The following WASHC5 variants were observed in gnomAD, a reference collection of about 807,000 sequenced individuals.
The protein encoded by WASHC5 is WASH complex subunit strumpellin.
In WASHC5, 101 loss-of-function variants were observed where a neutral mutation model predicts 150.4. That is an observed-to-expected ratio of 0.67 (90% confidence interval 0.57 to 0.79). The LOEUF (loss-of-function observed/expected upper bound fraction) is 0.79, where lower values mean the gene tolerates loss of function less well. Ranked by LOEUF, WASHC5 falls within the 30% of genes least tolerant of loss-of-function variation. The pLI is 0.00. For missense variants in WASHC5, 1,195 were observed against 1,396.3 expected (o/e 0.86, Z 2.30); for synonymous variants, 467 against 491.2 (o/e 0.95, Z 0.65).
chr8:125,083,272 A>C lies in WASHC5; in HGVS notation c.187-14T>G, dbSNP rs1345227840. 2 of 1,610,704 alleles carry C rather than the reference A, an allele frequency of 1.2e-6. No individual in the cohort carries two copies. The highest frequency in any genetic ancestry group is 1.3e-5 in the African/African-American group (1 of 74,728). ...TAATTCTGGACCCTGAGAAAAAAAAACACATGTGAAATGTCAATAAAAGCA... is the reference window on the plus strand; with the variant it reads ...TAATTCTGGACCCTGAGAAAAAAAACCACATGTGAAATGTCAATAAAAGCA... On this transcript the variant is annotated splice_polypyrimidine_tract_variant and intron_variant, in intron 2 of 28. Coordinates refer to ENST00000318410, the MANE Select transcript of WASHC5 (RefSeq NM_014846.4).
intron 10 of WASHC5, among the ~76,000 whole-genome samples, chr8:125,064,152 A>T (rs1200576939): frequency 1.3e-5 from 2 of 151,218 alleles, no homozygotes; most frequent in Non-Finnish European, 2.9e-5. Flanking sequence ...TTAATTGTTT[A>T]TTTTTATTTA....
intron 10 of WASHC5, among the ~76,000 whole-genome samples, chr8:125,067,129 C>T (rs371113635): frequency 6.6e-6 from 1 of 152,214 alleles, no homozygotes; most frequent in East Asian, 1.9e-4. Context: ...ATTCTCATGC[C>T]TCAGCCTCCC....
intron 19 of WASHC5, among the ~76,000 whole-genome samples, chr8:125,048,197 G>A (rs1247710652): frequency 6.6e-6 from 1 of 152,186 alleles, no homozygotes; most frequent in Non-Finnish European, 1.5e-5. Flanking sequence ...ATGCATCCAT[G>A]TAATATAAAA....
rs116181395 is a variant in WASHC5 at position 125,064,971 on chromosome 8, C to T, written c.1279-1320G>A. ...GTCTACCCTAACTTTCTGAGTCCCT[C>T]GGATCAATCAATGCCATTTGATAAT... On this transcript the variant is annotated intron_variant, in intron 10 of 28. Coordinates refer to ENST00000318410, the MANE Select transcript of WASHC5 (RefSeq NM_014846.4). Among the ~76,000 whole-genome samples the T allele has an allele frequency of 3.4e-3, 511 of 152,222 alleles. 4 individuals are homozygous for T. Among genetic ancestry groups the T allele is most frequent in the African/African-American group, 0.012 (486 of 41,532 alleles).
chr8:125,061,571 T>C (rs956715630), intron 11 of WASHC5, among the ~76,000 whole-genome samples: 5 of 151,998 alleles, frequency 3.3e-5, no homozygotes, highest in Non-Finnish European at 5.9e-5. Flanking sequence ...AAGAAGGGAA[T>C]TGTATCCAGA....
At position 125,044,109 on chromosome 8, in the gene WASHC5, G is replaced by A; in HGVS notation, c.2668-15C>T. ...CTGAGGAAATTCTAAAAACAAGAAG[G>A]CACGGTCAAAGAACCAAACATAATG... On this transcript the variant is annotated splice_polypyrimidine_tract_variant and intron_variant, in intron 21 of 28. Coordinates refer to ENST00000318410, the MANE Select transcript of WASHC5 (RefSeq NM_014846.4). 6.6e-7 allele frequency: 1 copy of A among 1,525,134 alleles called. No homozygotes were observed. The highest frequency in any genetic ancestry group is 1.4e-5 in the African/African-American group (1 of 73,218). The allele number at this position is 1,525,134 out of a possible 1,614,324, so 94.5% of individuals were successfully genotyped here.
At position 125,050,593 on chromosome 8, in the gene WASHC5, T is replaced by TA; in HGVS notation, c.2169dup (p.Arg724Ter). 1 of 1,614,120 alleles carries TA rather than the reference T, an allele frequency of 6.2e-7. No individual in the cohort carries two copies. The highest frequency in any genetic ancestry group is 1.1e-5 in the South Asian group (1 of 91,088). ...GCTCGAGGGTTGAATATCAGTCCCC[T>TA]ATGCAGGGCAAAGGCAACGCGCTTC... On this transcript the variant is annotated frameshift_variant, in exon 18 of 29. Transcript: ENST00000318410. LOFTEE classifies it high-confidence loss of function.
Position 125,063,294 on chromosome 8 carries a change from T to C in WASHC5, c.1408+228A>G, listed in dbSNP as rs141119946. Reference sequence around the variant, plus strand: ...TTAGCATAACCTCACATTTCAAAGATAAGATATAAAACCTGAACTCTAAAA... The same window carrying C: ...TTAGCATAACCTCACATTTCAAAGACAAGATATAAAACCTGAACTCTAAAA... On this transcript the variant is annotated intron_variant, in intron 11 of 28. Transcript: ENST00000318410. 4.3e-4 allele frequency among the ~76,000 whole-genome samples: 65 copies of C among 152,262 alleles called. 2 individuals are homozygous for C. In the East Asian group the frequency reaches 0.01, roughly 23 times the overall value.
chr8:125,040,075 C>A (rs1815841529), intron 23 of WASHC5, among the ~76,000 whole-genome samples, 177 bp from the exon 24 acceptor site: 1 of 152,172 alleles, frequency 6.6e-6, no homozygotes, highest in Admixed American at 6.5e-5. Context: ...TCTAATGAAG[C>A]ACCAGAGGCC....
chr8:125,028,277 A>G (rs1815426359), intron 28 of WASHC5, among the ~76,000 whole-genome samples: 1 of 152,222 alleles, frequency 6.6e-6, no homozygotes, highest in Non-Finnish European at 1.5e-5. Context: ...GTCAGTGGAG[A>G]GAGAAAGAAC....
At position 125,050,569 on chromosome 8, in the gene WASHC5, C is replaced by T. The variant is rs1816209778; in HGVS notation, c.2194G>A (p.Ala732Thr). ...CCACTCTGGTCACTGGGTACCTTGG[C>T]TCGAGGGTTGAATATCAGTCCCCTA... The part of the protein sequence containing the change: ...LHRGLIFNPR[A>T]KPSELMPKLK... The change falls in exon 18 of 29, where the codon GCC becomes ACC. Residue 732 changes from alanine (A) to threonine (T), a missense_variant. Coordinates refer to ENST00000318410, the MANE Select transcript of WASHC5 (RefSeq NM_014846.4). The T allele has an allele frequency of 6.2e-7, 1 of 1,613,268 alleles. No homozygotes were observed. The highest frequency in any genetic ancestry group is 1.7e-5 in the Admixed American group (1 of 59,996).
Position 125,063,475 on chromosome 8 carries a change from C to T in WASHC5, c.1408+47G>A, listed in dbSNP as rs769130237. ...GCCAGTTTCCAAGGTTTCAAATAAC[C>T]TGTGCACACATTCCAAACACACCAG... is the stretch of plus-strand genomic sequence containing the variant. On this transcript the variant is annotated intron_variant, in intron 11 of 28. Coordinates refer to ENST00000318410, the MANE Select transcript of WASHC5 (RefSeq NM_014846.4). 69 of 1,602,624 alleles carry T rather than the reference C, an allele frequency of 4.3e-5. No homozygotes were observed. In the East Asian group the frequency reaches 1.5e-3, roughly 34 times the overall value.
chr8:125,037,607 A>G (rs1178260568), intron 25 of WASHC5, among the ~76,000 whole-genome samples: 7 of 152,152 alleles, frequency 4.6e-5, no homozygotes, highest in Non-Finnish European at 1.0e-4. Flanking sequence ...TCATTAATAA[A>G]GGGAGGGAGG....
At chr8:125,071,873 G>A (rs1210884309) in intron 9 of WASHC5, among the ~76,000 whole-genome samples, 1 of 152,176 alleles carries the variant, frequency 6.6e-6, no homozygotes, top group African/African-American at 2.4e-5. Context: ...GGCTCCTTCT[G>A]GACATTCTAG....
At chr8:125,027,969 T>G (rs990486820) in intron 28 of WASHC5, among the ~76,000 whole-genome samples, 2 of 152,246 alleles carry the variant, frequency 1.3e-5, no homozygotes, top group Admixed American at 1.3e-4. Context: ...TATTATGTAC[T>G]GACATTGCTA....
At chr8:125,066,088 A>G (rs957304694) in intron 10 of WASHC5, among the ~76,000 whole-genome samples, 2 of 152,182 alleles carry the variant, frequency 1.3e-5, no homozygotes, top group Admixed American at 1.3e-4. Flanking sequence ...CATTTTGTTC[A>G]TATTTAAATT....
chr8:125,074,498 T>C (rs1816993181), intron 8 of WASHC5, among the ~76,000 whole-genome samples: 1 of 152,188 alleles, frequency 6.6e-6, no homozygotes, highest in Non-Finnish European at 1.5e-5. Context: ...TTCTGCCTTG[T>C]GTAAGAACAA....
At chr8:125,038,573 A>G (rs1053733797) in intron 25 of WASHC5, among the ~76,000 whole-genome samples, 1 of 152,228 alleles carries the variant, frequency 6.6e-6, no homozygotes, top group African/African-American at 2.4e-5. Context: ...GTGAAACCCA[A>G]AACTAATCTC....
chr8:125,072,811 G>A (rs1223315074), intron 9 of WASHC5, among the ~76,000 whole-genome samples: 2 of 152,014 alleles, frequency 1.3e-5, no homozygotes, highest in African/African-American at 2.4e-5. Flanking sequence ...AACATCTCTG[G>A]GTGTGGGCTG....
Sources: allele counts gnomAD v4.1 joint callset (sites outside exome capture counted in the v4.1 genomes callset), GRCh38; gene constraint gnomAD v4.1.1; transcripts MANE v1.5; gene names NCBI Gene and HGNC (gene_info 2026-07-23, HGNC 2026-07-21).